Variants in KALRN observed in about 807,000 individuals in gnomAD.
KALRN encodes the protein kalirin.
KALRN carries 70 observed loss-of-function variants against 353.7 expected under a neutral mutation model. The ratio of observed to expected loss-of-function variants is 0.20; its 90% CI spans 0.16 to 0.24. KALRN has a LOEUF of 0.24. Among genes scored for constraint, KALRN ranks in the 10% least tolerant of loss-of-function variants. The probability of loss-of-function intolerance (pLI) is 1.00; values close to 1 mark genes in which losing one functional copy is unlikely to be tolerated. For missense variants in KALRN, 2,791 were observed against 3,756.7 expected (o/e 0.74, Z 6.72); for synonymous variants, 1,391 against 1,434.8 (o/e 0.97, Z 0.69).
chr3:124,188,081 A>G (rs2074440559), intron 1 of KALRN, among the ~76,000 whole-genome samples: 1 of 152,178 alleles, frequency 6.6e-6, no homozygotes, highest in Non-Finnish European at 1.5e-5. Flanking sequence ...ACAATTATTG[A>G]GACTCTTCAG....
chr3:124,505,381 C>T (rs1189980609), intron 33 of KALRN, among the ~76,000 whole-genome samples: 1 of 152,130 alleles, frequency 6.6e-6, no homozygotes, highest in African/African-American at 2.4e-5. Context: ...TGTAATCCTA[C>T]TACTTTGAGA....
chr3:124,564,061 C>T (rs1350520705), intron 34 of KALRN, among the ~76,000 whole-genome samples: 16 of 147,352 alleles, frequency 1.1e-4, no homozygotes, highest in African/African-American at 2.8e-4. Flanking sequence ...AAAAATTAGC[C>T]GGGCATGGTG....
intron 34 of KALRN, among the ~76,000 whole-genome samples, chr3:124,610,118 CAG>C (rs1264364336): frequency 6.6e-6 from 1 of 152,140 alleles, no homozygotes; most frequent in African/African-American, 2.4e-5. Flanking sequence ...TGAACAAAAA[CAG>C]GGGAAAAAAA....
intron 47 of KALRN, among the ~76,000 whole-genome samples, chr3:124,671,109 A>G (rs1393448802): frequency 6.6e-6 from 1 of 152,138 alleles, no homozygotes; most frequent in Non-Finnish European, 1.5e-5. Flanking sequence ...TAACCACTAC[A>G]AGGTCAGTGT....
chr3:124,659,587 G>T (rs1418239416), intron 43 of KALRN, 130 bp downstream of exon 43: 7 of 637,882 alleles, frequency 1.1e-5, no homozygotes, highest in Non-Finnish European at 1.4e-5. Flanking sequence ...ACTGTGGGAG[G>T]GGTGGTAGGG....
At chr3:124,218,386 C>T (rs2077552263) in intron 1 of KALRN, among the ~76,000 whole-genome samples, 3 of 152,172 alleles carry the variant, frequency 2.0e-5, no homozygotes, top group Admixed American at 2.0e-4. Flanking sequence ...ACACCTTCTG[C>T]CCCTCGGCGC....
intron 36 of KALRN, 61 bp from the exon 37 acceptor site, chr3:124,637,147 C>A: frequency 1.5e-6 from 2 of 1,332,046 alleles, no homozygotes; most frequent in Non-Finnish European, 2.2e-6. Flanking sequence ...GTTTTATTTC[C>A]TGATCACTGT....
chr3:124,269,739 TCA>T (rs1476575615), intron 5 of KALRN, among the ~76,000 whole-genome samples: 4 of 152,252 alleles, frequency 2.6e-5, no homozygotes, highest in Non-Finnish European at 2.9e-5. Flanking sequence ...CAAACCACTT[TCA>T]CACAGTCTTA....
rs1310103140 is a variant in KALRN at position 124,674,453 on chromosome 3, A to G, written c.7032A>G (p.Gln2344=). The change falls in exon 49 of 60, where the codon CAA becomes CAG. Residue 2344 remains glutamine (Q), a synonymous_variant. Coordinates refer to ENST00000682506, the MANE Select transcript of KALRN (RefSeq NM_001388419.1). ...AGGAGAATGAAATCTGTGTGAGCCA[A>G]GGTGAGGTGGTCCAGGTCCTCGCCG... The part of the protein sequence containing the change: ...ALKENEICVS[Q]GEVVQVLAVN... 2 of 1,614,076 alleles carry G rather than the reference A, an allele frequency of 1.2e-6. No homozygotes were observed. The highest frequency in any genetic ancestry group is 1.7e-5 in the Admixed American group (1 of 60,012).
chr3:124,170,386 A>G (rs1041466560), intron 1 of KALRN, among the ~76,000 whole-genome samples: 1 of 152,184 alleles, frequency 6.6e-6, no homozygotes, highest in Non-Finnish European at 1.5e-5. Flanking sequence ...GCAAAATCCC[A>G]GTTTTACTTA....
chr3:124,704,823 T>C (rs1018349344), intron 57 of KALRN, among the ~76,000 whole-genome samples: 1 of 152,220 alleles, frequency 6.6e-6, no homozygotes, highest in Admixed American at 6.5e-5. Context: ...GTACTGGGAT[T>C]ACAGGCGTGA....
At position 124,723,503 on chromosome 3, in the gene KALRN, C is replaced by T. The variant is rs1355785349; in HGVS notation, c.*4033C>T. On this transcript the variant is annotated 3_prime_UTR_variant, in exon 60 of 60. Coordinates refer to ENST00000682506, the MANE Select transcript of KALRN (RefSeq NM_001388419.1). Reference sequence around the variant, plus strand: ...TAAAATACTTTGATTTTTTTAAGTGCTACACACTGCCAGTGCTAAGAATTT... The same window carrying T: ...TAAAATACTTTGATTTTTTTAAGTGTTACACACTGCCAGTGCTAAGAATTT... 1 of 152,146 alleles carries T rather than the reference C, an allele frequency of 6.6e-6. No individual in the cohort carries two copies. The highest frequency in any genetic ancestry group is 6.5e-5 in the Admixed American group (1 of 15,278). 9.4% of individuals were successfully genotyped at this position (152,146 alleles called of 1,614,324 possible).
chr3:124,204,307 T>C lies in KALRN; in HGVS notation c.74-23683T>C, dbSNP rs2076217174. Among the ~76,000 whole-genome samples the C allele has an allele frequency of 2.6e-5, 4 of 152,248 alleles. No homozygotes were observed. The South Asian group carries it at 8.3e-4, about 32-fold the overall frequency. On this transcript the variant is annotated intron_variant, in intron 1 of 59. Transcript: ENST00000682506. ...CATTGAATCTAAATATAAATGTAGATACCAAATTTTCTACTTTTAAAAATC... is the reference window on the plus strand; with the variant it reads ...CATTGAATCTAAATATAAATGTAGACACCAAATTTTCTACTTTTAAAAATC...
chr3:124,536,196 C>CTTTTTTTTT (rs34435871), intron 33 of KALRN, among the ~76,000 whole-genome samples: 5 of 99,152 alleles, frequency 5.0e-5, no homozygotes, highest in African/African-American at 1.3e-4. Context: ...CATCCATACT[C>CTTTTTTTTT]TTTTTTTTTT....
In KALRN at chr3:124,674,405, G is replaced by A. The variant is rs2086907089; in HGVS notation, c.6984G>A (p.Val2328=). The change falls in exon 49 of 60, where the codon GTG becomes GTA. Residue 2328 remains valine, a synonymous_variant. Transcript: ENST00000682506. ...GGCNGTSSMA[V]IKDYYALKEN... ...GCAATGGGACCTCGTCCATGGCCGT[G>A]ATCAAAGATTACTATGCACTGAAGG... 2.5e-6 allele frequency: 4 copies of A among 1,613,780 alleles called. No individual in the cohort carries two copies. The highest frequency in any genetic ancestry group is 1.1e-5 in the South Asian group (1 of 91,004).
chr3:124,126,996 C>T (rs1036330677), intron 1 of KALRN, among the ~76,000 whole-genome samples: 1 of 152,162 alleles, frequency 6.6e-6, no homozygotes, highest in Non-Finnish European at 1.5e-5. Context: ...CTATCTGGCT[C>T]AACTACAATA....
At chr3:124,569,345 G>A (rs1293590059) in intron 34 of KALRN, among the ~76,000 whole-genome samples, 1 of 152,184 alleles carries the variant, frequency 6.6e-6, no homozygotes, top group African/African-American at 2.4e-5. Context: ...GAGAACCGTG[G>A]ATAAAACTTG....
chr3:124,680,763 T>C (rs2087697046), intron 51 of KALRN, among the ~76,000 whole-genome samples: 1 of 151,936 alleles, frequency 6.6e-6, no homozygotes, highest in African/African-American at 2.4e-5. Flanking sequence ...CAGGATAGAG[T>C]AGTCCCCTGT....
intron 10 of KALRN, among the ~76,000 whole-genome samples, chr3:124,359,700 A>G (rs375520722): frequency 2.8e-4 from 42 of 152,294 alleles, no homozygotes; most frequent in African/African-American, 9.6e-4. Context: ...TATGGAAAGT[A>G]CCTAATCAAG....
Sources: allele counts gnomAD v4.1 joint callset (sites outside exome capture counted in the v4.1 genomes callset), GRCh38; gene constraint gnomAD v4.1.1; transcripts MANE v1.5; gene names NCBI Gene and HGNC (gene_info 2026-07-23, HGNC 2026-07-21).